COL11A1: variants seen among roughly 807,000 people sequenced by gnomAD.
The protein encoded by COL11A1 is collagen alpha-1(XI) chain.
A neutral mutation model predicts 265.2 loss-of-function variants in COL11A1; 74 were observed. The ratio of observed to expected loss-of-function variants is 0.28; its 90% CI spans 0.23 to 0.34. COL11A1 has a LOEUF of 0.34. COL11A1 is among the 10% of genes least tolerant of loss of function. The pLI is 1.00. For synonymous variants in COL11A1, 816 were observed against 727.6 expected, an observed-to-expected ratio of 1.12 and a Z score of -1.96; for missense variants, 2,165 against 2,263.6, an observed-to-expected ratio of 0.96 and a Z score of 0.88.
chr1:103,067,191 ACTTT>A (rs1231231229), intron 4 of COL11A1, among the ~76,000 whole-genome samples: 2 of 152,096 alleles, frequency 1.3e-5, no homozygotes, highest in East Asian at 3.9e-4. Flanking sequence ...TTCACAATGC[ACTTT>A]CTTTTTAAGG....
chr1:103,084,903 A>G (rs958440717), intron 1 of COL11A1, among the ~76,000 whole-genome samples: 2 of 152,188 alleles, frequency 1.3e-5, no homozygotes, highest in Non-Finnish European at 1.5e-5. Context: ...ACACCACCAA[A>G]CTTCTAAATA....
At position 103,049,613 on chromosome 1, in the gene COL11A1, T is replaced by C. The variant is rs140586681; in HGVS notation, c.652-18369A>G. Among the ~76,000 whole-genome samples the C allele has an allele frequency of 2.3e-3, 356 of 152,288 alleles. 1 individual carries two copies. The highest frequency in any genetic ancestry group is 8.4e-3 in the African/African-American group (350 of 41,564). ...AGCCCATTTACATTCAAAGTTAATA[T>C]CGTTATGTGTTAATTTGATCCTGCC... On this transcript the variant is annotated intron_variant, in intron 4 of 66. Coordinates refer to ENST00000370096, the MANE Select transcript of COL11A1 (RefSeq NM_001854.4).
chr1:103,009,057 T>C (rs894018612), intron 14 of COL11A1, among the ~76,000 whole-genome samples: 4 of 152,178 alleles, frequency 2.6e-5, no homozygotes, highest in Admixed American at 2.6e-4. Context: ...TTTTCCCAGG[T>C]TGGTTTGTTT....
chr1:102,964,803 A>G (rs1332455083), intron 38 of COL11A1, among the ~76,000 whole-genome samples: 1 of 152,178 alleles, frequency 6.6e-6, no homozygotes, highest in African/African-American at 2.4e-5. Flanking sequence ...TCCAGAAACT[A>G]AATGTGTTCT....
rs1300929951 is a variant in COL11A1, at chr1:102,987,723, A to C, written c.2412T>G (p.Ile804Met). The C allele has an allele frequency of 1.9e-6, 3 of 1,613,456 alleles. No homozygotes were observed. The South Asian group carries it at 3.3e-5, about 18-fold the overall frequency. Residue 804 changes from isoleucine to methionine, a missense_variant, in exon 30 of 67, where the codon ATT becomes ATG. By Grantham distance (10) the Ile-to-Met change is conservative (BLOSUM62 1). Coordinates refer to ENST00000370096, the MANE Select transcript of COL11A1 (RefSeq NM_001854.4). ...CAGGGCCATCTTCCCCTCTTGGGCC[A>C]ATTTGACCAACTTCTCCCTGAGGCA... ...LKGDRGEVGQ[I>M]GPRGEDGPEG...
intron 7 of COL11A1, among the ~76,000 whole-genome samples, chr1:103,025,048 T>C (rs947629898): frequency 6.6e-6 from 1 of 152,204 alleles, no homozygotes; most frequent in Admixed American, 6.5e-5. Context: ...TTTGAAAATG[T>C]AAATAGTTAT....
intron 57 of COL11A1, among the ~76,000 whole-genome samples, chr1:102,892,117 C>T (rs986208971): frequency 7.2e-5 from 11 of 152,056 alleles, no homozygotes; most frequent in African/African-American, 2.2e-4. Flanking sequence ...TACTGCTTGC[C>T]GCAAGTCCTA....
intron 7 of COL11A1, among the ~76,000 whole-genome samples, chr1:103,024,069 C>T (rs939154168): frequency 3.9e-5 from 6 of 152,070 alleles, no homozygotes; most frequent in Non-Finnish European, 8.8e-5. Context: ...TCCGACTTAT[C>T]ATGTGAATAT....
Position 103,002,452 on chromosome 1 carries a change from A to T in COL11A1, c.2073T>A (p.Gly691=), listed in dbSNP as rs1221587973. The T allele has an allele frequency of 3.1e-6, 5 of 1,610,082 alleles. No individual in the cohort carries two copies. In the South Asian group the frequency reaches 4.4e-5, roughly 14 times the overall value. The change falls in exon 23 of 67, where the codon GGT becomes GGA. Residue 691 remains glycine (G), a synonymous_variant. Coordinates refer to ENST00000370096, the MANE Select transcript of COL11A1 (RefSeq NM_001854.4). ...CCTGAGGTCCTGGATTCCCTTGTTG[A>T]CCTGGAGGCCCAGGCTCCCCTTGGG... The part of the protein sequence containing the change: ...MGPQGEPGPP[G]QQGNPGPQGL...
intron 28 of COL11A1, among the ~76,000 whole-genome samples, chr1:102,991,198 G>T (rs897030333): frequency 8.6e-5 from 13 of 152,042 alleles, no homozygotes; most frequent in African/African-American, 3.1e-4. Context: ...AGGTTAATAG[G>T]GAGGGTTTGA....
intron 41 of COL11A1, among the ~76,000 whole-genome samples, chr1:102,960,676 C>T (rs1287157705): frequency 1.3e-5 from 2 of 151,386 alleles, no homozygotes; most frequent in African/African-American, 4.9e-5. Context: ...TAGAAAAGGT[C>T]ATGGTTTTGA....
At chr1:102,965,459 G>A (rs1661318800) in intron 38 of COL11A1, 28 bp downstream of exon 38, 2 of 1,602,526 alleles carry the variant, frequency 1.2e-6, no homozygotes, top group African/African-American at 1.3e-5. Flanking sequence ...AATAAATCTT[G>A]CTTGGGAAAT....
intron 49 of COL11A1, among the ~76,000 whole-genome samples, chr1:102,917,002 TAA>T (rs1048253098): frequency 2.5e-4 from 38 of 151,932 alleles, no homozygotes; most frequent in African/African-American, 8.2e-4. Context: ...AGAAATATGA[TAA>T]GTCTATTGAG....
intron 31 of COL11A1, among the ~76,000 whole-genome samples, chr1:102,982,720 C>A (rs868483345): frequency 4.6e-5 from 7 of 151,910 alleles, no homozygotes; most frequent in African/African-American, 9.7e-5. Flanking sequence ...TTTGGGGAAA[C>A]TCAATGAAAA....
At position 102,897,854 on chromosome 1, in the gene COL11A1, C is replaced by T. The variant is rs569033572; in HGVS notation, c.4302+271G>A. On this transcript the variant is annotated intron_variant, in intron 57 of 66. Coordinates refer to ENST00000370096, the MANE Select transcript of COL11A1 (RefSeq NM_001854.4). ...GGAACTATCCAGACTAGGAAAAACACTGGCTGGATCATTAGTGGCATTTCA... is the reference window on the plus strand; with the variant it reads ...GGAACTATCCAGACTAGGAAAAACATTGGCTGGATCATTAGTGGCATTTCA... Among the ~76,000 whole-genome samples the T allele has an allele frequency of 3.3e-5, 5 of 152,230 alleles. No individual in the cohort carries two copies. The East Asian group carries it at 9.7e-4, about 29-fold the overall frequency.
At chr1:103,028,953 A>T (rs184579351) in intron 5 of COL11A1, among the ~76,000 whole-genome samples, 6 of 152,136 alleles carry the variant, frequency 3.9e-5, no homozygotes, top group Non-Finnish European at 8.8e-5. Flanking sequence ...CATAATTTTA[A>T]TATTAGCTTG....
At chr1:103,086,178 GAAT>G (rs1442901400) in intron 1 of COL11A1, among the ~76,000 whole-genome samples, 1 of 152,142 alleles carries the variant, frequency 6.6e-6, no homozygotes, top group Non-Finnish European at 1.5e-5. Context: ...CTCTGAAGAA[GAAT>G]GTTTCTGAAA....
chr1:102,997,002 A>G, intron 26 of COL11A1, 78 bp downstream of exon 26: 1 of 1,152,840 alleles, frequency 8.7e-7, no homozygotes, highest in Non-Finnish European at 1.3e-6. Context: ...TGATTTATAT[A>G]TATGAGATGA....
At chr1:103,033,842 A>T (rs1307167825) in intron 4 of COL11A1, among the ~76,000 whole-genome samples, 2 of 152,078 alleles carry the variant, frequency 1.3e-5, no homozygotes, top group African/African-American at 4.8e-5. Flanking sequence ...TATGTTGCCC[A>T]AAGCTGGTAT....
Sources: allele counts gnomAD v4.1 joint callset (sites outside exome capture counted in the v4.1 genomes callset), GRCh38; gene constraint gnomAD v4.1.1; transcripts MANE v1.5; gene names NCBI Gene and HGNC (gene_info 2026-07-23, HGNC 2026-07-21).